Variants in MED24 observed in about 807,000 individuals in gnomAD.
MED24 encodes mediator of RNA polymerase II transcription subunit 24.
In MED24, 74 loss-of-function variants were observed where a neutral mutation model predicts 118.8. That is an observed-to-expected ratio of 0.62 (90% CI 0.52 to 0.76). The LOEUF is 0.76. Among genes scored for constraint, MED24 ranks in the 30% least tolerant of loss-of-function variants. The pLI, the probability that MED24 is intolerant of heterozygous loss-of-function variation, is 0.00. For missense variants in MED24, 1,041 were observed against 1,278.9 expected, an observed-to-expected ratio of 0.81 and a Z score of 2.84; for synonymous variants, 521 against 523.9, an observed-to-expected ratio of 0.99 and a Z score of 0.08.
chr17:40,025,198 C>T (rs773112451), intron 19 of MED24, among the ~76,000 whole-genome samples: 1 of 152,144 alleles, frequency 6.6e-6, no homozygotes, highest in Non-Finnish European at 1.5e-5. Flanking sequence ...TAGTCAAATT[C>T]AGCAGGGCAC....
In MED24 at chr17:40,033,063, C is replaced by A. The variant is rs769089170; in HGVS notation, c.815G>T (p.Arg272Leu). 1 of 1,613,894 alleles carries A rather than the reference C, an allele frequency of 6.2e-7. No individual in the cohort carries two copies. Among genetic ancestry groups the A allele is most frequent in the South Asian group, 1.1e-5 (1 of 91,074 alleles). ...SLVEQLTMVKRMQHIPTPLFV... is the reference protein window; with the variant it reads ...SLVEQLTMVKLMQHIPTPLFV... ...CCACTCGGCCCCTCCCACCTGCATGCGCTTCACCATCGTCAGCTGCTCCAC... is the reference window on the plus strand; with the variant it reads ...CCACTCGGCCCCTCCCACCTGCATGAGCTTCACCATCGTCAGCTGCTCCAC... Residue 272 changes from arginine (R) to leucine (L), a missense_variant, in exon 8 of 26, where the codon CGC becomes CTC. By Grantham distance (102) the Arg-to-Leu change is moderately radical (BLOSUM62 -2). Coordinates refer to ENST00000394128, the MANE Select transcript of MED24 (RefSeq NM_014815.4). This position sits in a 1 kb window ranked among gnomAD's most constrained non-coding sequence, Gnocchi z 5.2.
At chr17:40,031,008 T>C in intron 12 of MED24, 151 bp downstream of exon 12, 1 of 708,606 alleles carries the variant, frequency 1.4e-6, no homozygotes, top group Non-Finnish European at 2.5e-6. Context: ...CTGTGCTTTC[T>C]TTTCCTTCCT....
Position 40,053,324 on chromosome 17 carries a change from A to G in MED24, c.187T>C (p.Tyr63His), listed in dbSNP as rs1357768593. The change falls in exon 3 of 26, where the codon TAC (tyrosine) becomes CAC (histidine). Residue 63 changes from tyrosine (Y) to histidine (H), a missense_variant. By Grantham distance (83) the Tyr-to-His change is moderately conservative (BLOSUM62 2). This residue lies in a region of MED24 where 434 missense variants were observed against 514.9 expected (regional missense o/e 0.84). Transcript: ENST00000394128. The stretch of plus-strand genomic sequence containing the variant: ...TGGGAACTAATGGCATACTTCAGGT[A>G]GGACAAGATGAGAGGATTGGGGGAT... ...GPSPNPLILSYLKYAISSQMV... is the reference protein window; with the variant it reads ...GPSPNPLILSHLKYAISSQMV... The G allele has an allele frequency of 6.2e-7, 1 of 1,611,678 alleles. No individual in the cohort carries two copies. The highest frequency in any genetic ancestry group is 8.5e-7 in the Non-Finnish European group (1 of 1,178,558).
chr17:40,022,683 C>T lies in MED24; in HGVS notation c.2394G>A (p.Trp798Ter). 1 of 1,613,702 alleles carries T rather than the reference C, an allele frequency of 6.2e-7. No individual in the cohort carries two copies. The highest frequency in any genetic ancestry group is 1.7e-4 in the Middle Eastern group (1 of 5,900). The change falls in exon 21 of 26, where the codon TGG (tryptophan) becomes TGA (stop). Residue 798 changes from tryptophan (W) to a stop codon, truncating the protein, a stop_gained. Coordinates refer to ENST00000394128, the MANE Select transcript of MED24 (RefSeq NM_014815.4). LOFTEE classifies it high-confidence loss of function. ...TGCCCGGGGGGTCCATGAGGCTGTGCCACTTGGAGGAGTCAGTGAGCAGGC... is the reference window on the plus strand; with the variant it reads ...TGCCCGGGGGGTCCATGAGGCTGTGTCACTTGGAGGAGTCAGTGAGCAGGC... The part of the protein sequence containing the change: ...LPGLLTDSSK[W>*]HSLMDPPGTA...
At chr17:40,052,175 C>T (rs1985923705) in intron 3 of MED24, among the ~76,000 whole-genome samples, 1 of 151,984 alleles carries the variant, frequency 6.6e-6, no homozygotes, top group Admixed American at 6.6e-5. Context: ...CACCTGTAGT[C>T]CCAGCTACTC....
intron 12 of MED24, among the ~76,000 whole-genome samples, chr17:40,030,359 G>C (rs561708873): frequency 6.6e-6 from 1 of 151,758 alleles, no homozygotes. Context: ...GCAGTGGCGC[G>C]ATCTCAGCTC....
At chr17:40,049,654 G>A (rs1598374598) in intron 3 of MED24, among the ~76,000 whole-genome samples, 1 of 151,978 alleles carries the variant, frequency 6.6e-6, no homozygotes, top group Non-Finnish European at 1.5e-5. Flanking sequence ...AGCCTCCCAA[G>A]TAGCTGGGAT....
intron 3 of MED24, 101 bp downstream of exon 3, chr17:40,053,197 A>G: frequency 2.6e-6 from 3 of 1,137,850 alleles, no homozygotes; most frequent in Non-Finnish European, 3.7e-6. Flanking sequence ...AGCCTCCCAC[A>G]ATGCTGGGAT....
At chr17:40,028,553 A>T (rs1431153635) in intron 14 of MED24, among the ~76,000 whole-genome samples, 1 of 152,240 alleles carries the variant, frequency 6.6e-6, no homozygotes, top group Non-Finnish European at 1.5e-5. Flanking sequence ...AACTGGGCAT[A>T]CTTGGAATTC....
chr17:40,034,435 C>T (rs546432567), intron 6 of MED24, among the ~76,000 whole-genome samples: 2 of 152,254 alleles, frequency 1.3e-5, no homozygotes, highest in Admixed American at 1.3e-4. Flanking sequence ...CATTCTTGTT[C>T]CTGGAGAACA....
At chr17:40,048,133 C>A (rs749400123) in intron 3 of MED24, among the ~76,000 whole-genome samples, 1 of 152,222 alleles carries the variant, frequency 6.6e-6, no homozygotes, top group Non-Finnish European at 1.5e-5. Flanking sequence ...GATTATTTGT[C>A]ACCCTAAAAT....
intron 12 of MED24, 103 bp from the exon 13 acceptor site, chr17:40,029,962 G>A: frequency 2.0e-6 from 2 of 1,017,756 alleles, no homozygotes; most frequent in South Asian, 1.4e-5. Flanking sequence ...GAGGAGGTGG[G>A]AAGCATGTAA....
rs376616538 is a variant in MED24 at position 40,023,196 on chromosome 17, T to C, written c.2185A>G (p.Ile729Val). The stretch of plus-strand genomic sequence containing the variant: ...TGCAGCAGGGTGTCAAAGATGTGGA[T>C]GGAGCGGCTGTCCACCCAGCCCTTC... Reference protein sequence around the residue: ...LEKGWVDSRSIHIFDTLLHMG... With the variant: ...LEKGWVDSRSVHIFDTLLHMG... Residue 729 changes from isoleucine (I) to valine (V), a missense_variant, in exon 20 of 26, where the codon ATC becomes GTC. By Grantham distance (29) the Ile-to-Val change is conservative. Around this residue, in one of 3 missense-constraint regions of MED24, gnomAD observed 587 missense variants for 694.4 expected, o/e 0.85. Transcript: ENST00000394128. The C allele has an allele frequency of 2.5e-6, 4 of 1,613,984 alleles. No homozygotes were observed. The highest frequency in any genetic ancestry group is 2.2e-5 in the East Asian group (1 of 44,896).
chr17:40,019,203 C>CAT lies in MED24; in HGVS notation c.*324_*325dup, dbSNP rs1555662004. On this transcript the variant is annotated 3_prime_UTR_variant, in exon 26 of 26. Transcript: ENST00000394128. ...ACACACACACACACACACACACACACATACACACTTTGCATCTAGAAAGTT... is the reference window on the plus strand; with the variant it reads ...ACACACACACACACACACACACACACATATACACACTTTGCATCTAGAAAGTT... 1,181 of 302,420 alleles carry CAT rather than the reference C, an allele frequency of 3.9e-3. 35 individuals carry two copies. The highest frequency in any genetic ancestry group is 9.0e-3 in the African/African-American group (411 of 45,508). 18.7% of individuals were successfully genotyped at this position (302,420 alleles called of 1,614,324 possible). A position where few individuals can be genotyped will look rare whatever the true frequency, so the allele number is the denominator to read the frequency against.
At position 40,031,537 on chromosome 17, in the gene MED24, C is replaced by G; in HGVS notation, c.1067+1G>C. 6.2e-7 allele frequency: 1 copy of G among 1,613,782 alleles called. No individual in the cohort carries two copies. The highest frequency in any genetic ancestry group is 8.5e-7 in the Non-Finnish European group (1 of 1,179,674). On this transcript the variant is annotated splice_donor_variant, in intron 11 of 25. Transcript: ENST00000394128. LOFTEE classifies it high-confidence loss of function. ...GCGGGGGTGACCAGGGGAGCTCATA[C>G]TTGCAGCGCTGGTCAGCTTTGTCCA...
At chr17:40,020,955 C>T (rs753750262) in intron 23 of MED24, among the ~76,000 whole-genome samples, 19 of 152,142 alleles carry the variant, frequency 1.2e-4, no homozygotes, top group Non-Finnish European at 2.1e-4. Flanking sequence ...CGCCTGTAGT[C>T]CCAGAGACTC....
intron 3 of MED24, among the ~76,000 whole-genome samples, chr17:40,039,013 C>A (rs560119743): frequency 4.0e-4 from 61 of 152,284 alleles, no homozygotes; most frequent in African/African-American, 1.4e-3. Context: ...CTGATGTCCC[C>A]ATAGCGAGTG....
chr17:40,048,356 C>G (rs1598372909), intron 3 of MED24, among the ~76,000 whole-genome samples: 1 of 152,192 alleles, frequency 6.6e-6, no homozygotes, highest in East Asian at 1.9e-4. Context: ...TGCTCTTTTT[C>G]TCTCACAATT....
intron 3 of MED24, among the ~76,000 whole-genome samples, chr17:40,050,246 C>G (rs540756047): frequency 7.2e-6 from 1 of 139,678 alleles, no homozygotes. Flanking sequence ...GTCAGGAGTT[C>G]GAGACCAGCC....
Sources: gnomAD v4.1 joint callset for allele counts (sites outside exome capture counted in the v4.1 genomes callset) on GRCh38, gnomAD v4.1.1 for gene constraint, gnomAD v4.1.1 regional missense constraint, Gnocchi (gnomAD v3.1) non-coding constraint, MANE v1.5 for transcripts, NCBI Gene and HGNC (gene_info 2026-07-23, HGNC 2026-07-21) for gene names.